The following CEP128 variants were observed in gnomAD, a reference collection of about 807,000 sequenced individuals.
CEP128 encodes the protein centrosomal protein 128kDa.
CEP128 carries 132 observed loss-of-function variants against 156.7 expected under a neutral mutation model. The ratio of observed to expected loss-of-function variants is 0.84; its 90% CI spans 0.73 to 0.97. The LOEUF (loss-of-function observed/expected upper bound fraction) is 0.97. CEP128 is among the 50% of genes least tolerant of loss of function. The pLI is 0.00. For synonymous variants in CEP128, 469 were observed against 448.9 expected (o/e 1.04, Z -0.57); for missense variants, 1,252 against 1,281.9 (o/e 0.98, Z 0.36).
chr14:80,585,370 G>T (rs757444232), intron 19 of CEP128, among the ~76,000 whole-genome samples: 4 of 152,292 alleles, frequency 2.6e-5, no homozygotes, highest in Non-Finnish European at 5.9e-5. Context: ...TTTGGTTTCT[G>T]GTAGCCAAGA....
In CEP128 at chr14:80,678,040, T is replaced by TAA. The variant is rs754768782; in HGVS notation, c.2806+65033_2806+65034dup. On this transcript the variant is annotated intron_variant, in intron 19 of 24. Transcript: ENST00000555265. ...ACTTTCAACATGGACAGTTGCTCTATAAAAAAAAAATATATATATATATGT... is the reference window on the plus strand; with the variant it reads ...ACTTTCAACATGGACAGTTGCTCTATAAAAAAAAAAAATATATATATATATGT... Among the ~76,000 whole-genome samples, 249 of 32,518 alleles carry TAA rather than the reference T, an allele frequency of 7.7e-3. 4 individuals carry two copies. The highest frequency in any genetic ancestry group is 0.024 in the African/African-American group (233 of 9,818). 21.3% of individuals were successfully genotyped at this position (32,518 alleles called of 152,430 possible).
Position 80,628,578 on chromosome 14 carries a change from C to G in CEP128, c.2807-48155G>C, listed in dbSNP as rs56933416. On this transcript the variant is annotated intron_variant, in intron 19 of 24. Coordinates refer to ENST00000555265, the MANE Select transcript of CEP128 (RefSeq NM_152446.5). ...TTTCCCCCTTTCTCCTAAAAAGCGT[C>G]CGCACAACTACCTTTCTCCCTCTCT... Among the ~76,000 whole-genome samples the G allele has an allele frequency of 5.4e-3, 818 of 152,290 alleles. 4 individuals carry two copies. Among genetic ancestry groups the G allele is most frequent in the African/African-American group, 0.018 (761 of 41,552 alleles).
intron 8 of CEP128, among the ~76,000 whole-genome samples, chr14:80,887,019 C>G (rs1219811626): frequency 6.6e-6 from 1 of 151,994 alleles, no homozygotes; most frequent in Admixed American, 6.6e-5. Flanking sequence ...ACAAAAAGAT[C>G]AAAAAAGACA....
chr14:80,555,639 CTT>C (rs1566777393), intron 21 of CEP128, among the ~76,000 whole-genome samples: 1 of 152,002 alleles, frequency 6.6e-6, no homozygotes, highest in Non-Finnish European at 1.5e-5. Flanking sequence ...TTAACAAACC[CTT>C]TTGTTCATTA....
At chr14:80,627,919 T>G (rs1479547379) in intron 19 of CEP128, among the ~76,000 whole-genome samples, 1 of 152,136 alleles carries the variant, frequency 6.6e-6, no homozygotes, top group Non-Finnish European at 1.5e-5. Flanking sequence ...TCTAATTCCC[T>G]TAAAAGTTTT....
chr14:80,924,870 G>A (rs1885063765), intron 2 of CEP128, among the ~76,000 whole-genome samples: 2 of 152,060 alleles, frequency 1.3e-5, no homozygotes, highest in Admixed American at 1.3e-4. Flanking sequence ...TAGAACAGCT[G>A]GGAGGCTGTT....
At chr14:80,830,819 C>T in intron 13 of CEP128, 1 of 217,330 alleles carries the variant, frequency 4.6e-6, no homozygotes, top group Non-Finnish European at 9.1e-6. Flanking sequence ...TTCTCTCAAA[C>T]AAAAAAGGTC....
chr14:80,576,310 A>C (rs551137541), intron 20 of CEP128, among the ~76,000 whole-genome samples: 45 of 152,304 alleles, frequency 3.0e-4, no homozygotes, highest in Middle Eastern at 6.8e-3. Flanking sequence ...AATGTATCTC[A>C]AACTCATATG....
In CEP128 at chr14:80,792,998, T is replaced by G. The variant is rs756804508; in HGVS notation, c.1322A>C (p.Asp441Ala). The change falls in exon 14 of 25, where the codon GAC becomes GCC. Residue 441 changes from aspartate to alanine, a missense_variant. Physicochemically the swap from Asp to Ala is moderately radical, Grantham distance 126 (BLOSUM62 -2). Transcript: ENST00000555265. ...DTCEAERKHA[D>A]LQISELTRHA... ...GCGAGTCAGCTCTGAGATCTGAAGG[T>G]CAGCATGCTTACGCTCGGCCTCACA... 1 of 1,614,080 alleles carries G rather than the reference T, an allele frequency of 6.2e-7. No homozygotes were observed. Among genetic ancestry groups the G allele is most frequent in the Admixed American group, 1.7e-5 (1 of 59,984 alleles).
chr14:80,537,244 CA>C (rs1889526364), intron 21 of CEP128, among the ~76,000 whole-genome samples: 1 of 152,052 alleles, frequency 6.6e-6, no homozygotes, highest in African/African-American at 2.4e-5. Flanking sequence ...CTTATTTCTA[CA>C]TGTAAGTGAA....
intron 23 of CEP128, among the ~76,000 whole-genome samples, chr14:80,507,009 T>C (rs540382271): frequency 6.6e-6 from 1 of 151,998 alleles, no homozygotes; most frequent in African/African-American, 2.4e-5. Flanking sequence ...GATCTGGTTG[T>C]TTAAGTGTGT....
intron 23 of CEP128, among the ~76,000 whole-genome samples, chr14:80,516,528 T>C (rs1888497853): frequency 6.6e-6 from 1 of 152,156 alleles, no homozygotes; most frequent in South Asian, 2.1e-4. Flanking sequence ...ACCAGGCTTG[T>C]CCTTGTGGGC....
chr14:80,549,211 C>G (rs187040744), intron 21 of CEP128, among the ~76,000 whole-genome samples: 8 of 152,210 alleles, frequency 5.3e-5, no homozygotes, highest in Admixed American at 5.2e-4. Flanking sequence ...GCCCTCGATG[C>G]GAATATACAG....
At chr14:80,688,963 T>C (rs1351692366) in intron 19 of CEP128, among the ~76,000 whole-genome samples, 2 of 152,114 alleles carry the variant, frequency 1.3e-5, no homozygotes, top group Non-Finnish European at 2.9e-5. Context: ...GGGAATCAAA[T>C]AGTTAAGTTT....
chr14:80,946,881 G>T (rs143771213), intron 2 of CEP128, among the ~76,000 whole-genome samples: 11 of 152,296 alleles, frequency 7.2e-5, no homozygotes, highest in Admixed American at 1.3e-4. Flanking sequence ...GGAGGTGATT[G>T]GATCACAGCA....
chr14:80,933,041 G>T (rs1453256191), intron 2 of CEP128, among the ~76,000 whole-genome samples: 1 of 152,102 alleles, frequency 6.6e-6, no homozygotes, highest in Non-Finnish European at 1.5e-5. Context: ...AGTTTCAGCA[G>T]TACCCACATT....
chr14:80,618,016 T>C (rs1291197527), intron 19 of CEP128, among the ~76,000 whole-genome samples: 1 of 152,182 alleles, frequency 6.6e-6, no homozygotes, highest in African/African-American at 2.4e-5. Flanking sequence ...AGGATTTAAT[T>C]AGATAATGCA....
intron 19 of CEP128, among the ~76,000 whole-genome samples, chr14:80,662,648 T>C (rs149613463): frequency 6.6e-6 from 1 of 152,322 alleles, no homozygotes; most frequent in African/African-American, 2.4e-5. Flanking sequence ...GCTTATAATA[T>C]AATGATTATT....
At chr14:80,507,486 G>C (rs1217864348) in intron 23 of CEP128, among the ~76,000 whole-genome samples, 1 of 152,178 alleles carries the variant, frequency 6.6e-6, no homozygotes. Flanking sequence ...GGCTGAAATT[G>C]CAAGATGTAT....
Sources: allele counts gnomAD v4.1 joint callset (sites outside exome capture counted in the v4.1 genomes callset), GRCh38; gene constraint gnomAD v4.1.1; transcripts MANE v1.5; gene names NCBI Gene and HGNC (gene_info 2026-07-23, HGNC 2026-07-21).